The following LOC400499 variants were observed in gnomAD, a reference collection of about 807,000 sequenced individuals.
the LOC400499 span, among the ~76,000 whole-genome samples, chr16:11,491,533 T>C: frequency 5.9e-5 from 9 of 151,444 alleles, no homozygotes; most frequent in African/African-American, 2.2e-4. Flanking sequence ...GGAGAATACA[T>C]AGCCCCTTAT....
chr16:11,495,100 T>G, the LOC400499 span, among the ~76,000 whole-genome samples: 424 of 151,786 alleles, frequency 2.8e-3, 4 homozygotes, highest in African/African-American at 9.8e-3. Context: ...TCCCAACTAC[T>G]CGGGAGGCTA....
the LOC400499 span, chr16:11,401,158 G>A: frequency 1.0e-5 from 4 of 398,204 alleles, no homozygotes; most frequent in South Asian, 1.4e-4. Context: ...CTTTGTCACT[G>A]ATGAACACAC....
At chr16:11,505,868 T>C in the LOC400499 span, among the ~76,000 whole-genome samples, 3 of 152,184 alleles carry the variant, frequency 2.0e-5, no homozygotes, top group Admixed American at 6.5e-5. Context: ...CCACCTTTTC[T>C]TTACGTTAGA....
chr16:11,436,039 G>C, the LOC400499 span, among the ~76,000 whole-genome samples: 1 of 152,210 alleles, frequency 6.6e-6, no homozygotes, highest in African/African-American at 2.4e-5. Flanking sequence ...GAGACAGAGG[G>C]AGGAATGGGG....
the LOC400499 span, among the ~76,000 whole-genome samples, chr16:11,482,613 A>T: frequency 6.6e-6 from 1 of 152,174 alleles, no homozygotes; most frequent in Non-Finnish European, 1.5e-5. Flanking sequence ...GTTTCTGGTC[A>T]GCCATGGTGG....
chr16:11,411,981 C>G, the LOC400499 span, among the ~76,000 whole-genome samples: 128,013 of 151,972 alleles, frequency 0.84, 54,307 homozygotes, highest in Non-Finnish European at 0.9. Context: ...TCCTGCCTCA[C>G]CCTCCTGAGC....
the LOC400499 span, chr16:11,522,073 G>A: frequency 1.5e-5 from 6 of 398,826 alleles, no homozygotes; most frequent in East Asian, 3.6e-5. Flanking sequence ...AAAATGATAG[G>A]TGTATCTGGT....
the LOC400499 span, chr16:11,390,455 C>T: frequency 8.0e-7 from 1 of 1,244,258 alleles, no homozygotes; most frequent in Non-Finnish European, 1.0e-6. Flanking sequence ...TTCAGTGTGG[C>T]CAGGGGCCCT....
chr16:11,405,348 A>G, the LOC400499 span, among the ~76,000 whole-genome samples: 3 of 152,232 alleles, frequency 2.0e-5, no homozygotes, highest in African/African-American at 7.2e-5. Context: ...GCCTGGGTAC[A>G]AAGCTAGCCA....
At chr16:11,488,315 A>G in the LOC400499 span, among the ~76,000 whole-genome samples, 2 of 152,172 alleles carry the variant, frequency 1.3e-5, no homozygotes, top group Admixed American at 6.5e-5. Context: ...ATGCCATAAA[A>G]TAACTGATAT....
chr16:11,525,634 G>T, the LOC400499 span, among the ~76,000 whole-genome samples: 22,670 of 152,018 alleles, frequency 0.15, 2,176 homozygotes, highest in African/African-American at 0.27. Flanking sequence ...CCAGCATCCT[G>T]CTTGTTTGCT....
At chr16:11,487,305 T>C in the LOC400499 span, 1 of 398,996 alleles carries the variant, frequency 2.5e-6, no homozygotes, top group Non-Finnish European at 4.4e-6. Context: ...GATGGTCAGG[T>C]TGACTGTGGC....
the LOC400499 span, among the ~76,000 whole-genome samples, chr16:11,480,129 C>G: frequency 6.6e-6 from 1 of 152,196 alleles, no homozygotes; most frequent in African/African-American, 2.4e-5. Context: ...GTCCCCACCA[C>G]TCCCTATTGT....
the LOC400499 span, among the ~76,000 whole-genome samples, chr16:11,385,899 C>A: frequency 6.6e-6 from 1 of 152,262 alleles, no homozygotes. Context: ...CGGCCAGGCA[C>A]GGCGGCGCTA....
chr16:11,422,958 A>G, the LOC400499 span, among the ~76,000 whole-genome samples: 1 of 152,166 alleles, frequency 6.6e-6, no homozygotes, highest in Non-Finnish European at 1.5e-5. Flanking sequence ...CCACTCGATG[A>G]CCATCAGGTT....
At chr16:11,390,154 G>C in the LOC400499 span, 1 of 1,232,356 alleles carries the variant, frequency 8.1e-7, no homozygotes, top group Admixed American at 4.2e-5. Context: ...AGCCTCTTCA[G>C]TGCCCGTGAG....
At chr16:11,389,834 G>T in the LOC400499 span, among the ~76,000 whole-genome samples, 1 of 151,898 alleles carries the variant, frequency 6.6e-6, no homozygotes, top group East Asian at 1.9e-4. Flanking sequence ...CTTCGTGTCT[G>T]AGTAAAAGTG....
the LOC400499 span, among the ~76,000 whole-genome samples, chr16:11,444,648 T>C: frequency 6.6e-6 from 1 of 152,208 alleles, no homozygotes; most frequent in Admixed American, 6.5e-5. Context: ...GATCCTGGCA[T>C]GCAATGGGTG....
the LOC400499 span, among the ~76,000 whole-genome samples, chr16:11,497,707 T>C: frequency 2.8e-5 from 4 of 142,690 alleles, no homozygotes; most frequent in Non-Finnish European, 6.5e-5. Context: ...CACACAGTAA[T>C]GACCCAGTTG....
Sources: gnomAD v4.1 joint callset for allele counts (sites outside exome capture counted in the v4.1 genomes callset) on GRCh38, gnomAD v4.1.1 for gene constraint, MANE v1.5 for transcripts.